Variants in ACSM3 observed in about 807,000 individuals in gnomAD.
ACSM3 encodes the protein acyl-CoA synthetase medium chain family member 3.
In ACSM3, 61 loss-of-function variants were observed where a neutral mutation model predicts 74.1. The ratio of observed to expected loss-of-function variants is 0.82; its 90% CI spans 0.67 to 1.02. The LOEUF (loss-of-function observed/expected upper bound fraction) is 1.02. ACSM3 is among the 50% of genes least tolerant of loss of function. The pLI is 0.00. For missense variants in ACSM3, 660 were observed against 697.0 expected (o/e 0.95, Z 0.60); for synonymous variants, 213 against 241.5 (o/e 0.88, Z 1.09).
chr16:20,702,219 T>C (rs1370240477), intron 1 of ACSM3, among the ~76,000 whole-genome samples: 3 of 152,200 alleles, frequency 2.0e-5, no homozygotes, highest in Admixed American at 6.5e-5. Context: ...TTCCTGACTT[T>C]TCTTTTTTTA....
upstream of ACSM3, among the ~76,000 whole-genome samples, chr16:20,759,241 G>C (rs531227183): frequency 6.6e-6 from 1 of 152,290 alleles, no homozygotes; most frequent in Non-Finnish European, 1.5e-5. Flanking sequence ...AATCAGTCAG[G>C]CCTGTGTAAT....
chr16:20,737,711 C>A, intron 1 of ACSM3: 1 of 1,604,784 alleles, frequency 6.2e-7, no homozygotes, highest in Non-Finnish European at 8.5e-7. Context: ...AACATACCTG[C>A]CAATTCTCTG....
At chr16:20,732,863 GA>G in intron 1 of ACSM3, 1 of 156,318 alleles carries the variant, frequency 6.4e-6, no homozygotes. Flanking sequence ...CTGACAATTG[GA>G]AAAACGGAAT....
intron 3 of ACSM3, among the ~76,000 whole-genome samples, chr16:20,758,015 T>C (rs2080045767): frequency 6.6e-6 from 1 of 152,180 alleles, no homozygotes; most frequent in Non-Finnish European, 1.5e-5. Context: ...AGCTTTTTGA[T>C]GTGCTGCTGG....
chr16:20,739,502 G>A (rs573187467), intron 1 of ACSM3, among the ~76,000 whole-genome samples: 1 of 152,046 alleles, frequency 6.6e-6, no homozygotes, highest in South Asian at 2.1e-4. Flanking sequence ...CTTTTTTTAC[G>A]AAGCTGGGAC....
intron 1 of ACSM3, chr16:20,679,664 C>T (rs1458809161): frequency 6.6e-6 from 1 of 152,106 alleles, no homozygotes; most frequent in Non-Finnish European, 1.5e-5. Flanking sequence ...GTACATACTA[C>T]CTGGGTAAGG....
At chr16:20,775,738 C>A in intron 2 of ACSM3, 101 bp from the exon 3 acceptor site, 1 of 1,174,714 alleles carries the variant, frequency 8.5e-7, no homozygotes, top group Non-Finnish European at 1.3e-6. Context: ...TAACTAATGA[C>A]TTGCGAACTT....
chr16:20,752,750 T>TA (rs2152434825), intron 2 of ACSM3, among the ~76,000 whole-genome samples: 1 of 152,342 alleles, frequency 6.6e-6, no homozygotes, highest in South Asian at 2.1e-4. Context: ...ATAGCTGCAT[T>TA]AGGTGAAAAG....
intron 1 of ACSM3, among the ~76,000 whole-genome samples, chr16:20,714,249 C>T (rs554720699): frequency 5.3e-5 from 8 of 150,292 alleles, no homozygotes; most frequent in East Asian, 3.9e-4. Context: ...GAATAGACTA[C>T]ACACAGTTTG....
intron 2 of ACSM3, among the ~76,000 whole-genome samples, chr16:20,775,351 C>A (rs1417749224): frequency 6.6e-6 from 1 of 152,094 alleles, no homozygotes; most frequent in African/African-American, 2.4e-5. Context: ...TACTATACAG[C>A]GTTTACTAGG....
intron 1 of ACSM3, chr16:20,711,706 C>T (rs1167697508): frequency 2.7e-5 from 13 of 477,494 alleles, no homozygotes; most frequent in African/African-American, 6.0e-5. Context: ...AGCCAATCTA[C>T]GCTGCCAGCA....
At chr16:20,687,774 A>T (rs1567312693) in intron 1 of ACSM3, among the ~76,000 whole-genome samples, 1 of 152,066 alleles carries the variant, frequency 6.6e-6, no homozygotes, top group South Asian at 2.1e-4. Context: ...CAACAAAAAG[A>T]TAGAAACTAT....
At position 20,770,235 on chromosome 16, in the gene ACSM3, A is replaced by G. The variant is rs370247569; in HGVS notation, c.201A>G (p.Gln67=). ...YFNFAKDVLD[Q]WTDKEKAGKK... is the part of the protein sequence containing the mutation. ...ACTTTGCTAAAGATGTCCTGGACCA[A>G]TGGACTGATAAGGAAAAGGTATGGG... The change falls in exon 2 of 14, where the codon CAA becomes CAG. Residue 67 remains glutamine, a synonymous_variant. Transcript: ENST00000289416. 2,306 of 1,614,016 alleles carry G rather than the reference A, an allele frequency of 1.4e-3. 47 individuals carry two copies. The South Asian group carries it at 0.024, about 17-fold the overall frequency.
intron 1 of ACSM3, among the ~76,000 whole-genome samples, chr16:20,746,516 C>T (rs193208375): frequency 3.9e-5 from 6 of 152,306 alleles, no homozygotes; most frequent in East Asian, 3.8e-4. Context: ...ACATAAAATG[C>T]GTAAGACTGG....
intron 2 of ACSM3, among the ~76,000 whole-genome samples, chr16:20,775,423 G>C (rs117745671): frequency 0.021 from 3,191 of 152,228 alleles, 45 homozygotes; most frequent in South Asian, 0.052. Context: ...TCTGTGATGG[G>C]AATGTGTACT....
At chr16:20,757,185 G>T (rs1396336257) in intron 3 of ACSM3, among the ~76,000 whole-genome samples, 1 of 152,298 alleles carries the variant, frequency 6.6e-6, no homozygotes, top group South Asian at 2.1e-4. Flanking sequence ...GTCACTGGTA[G>T]CTTGATGGGG....
chr16:20,780,184 C>A (rs11648370), intron 4 of ACSM3: 33,315 of 178,398 alleles, frequency 0.19, 3,635 homozygotes, highest in African/African-American at 0.31. Flanking sequence ...ACCACAGGTA[C>A]TACCTCAATG....
chr16:20,791,176 A>G (rs1022225234), intron 10 of ACSM3, among the ~76,000 whole-genome samples: 1 of 152,230 alleles, frequency 6.6e-6, no homozygotes, highest in Non-Finnish European at 1.5e-5. Flanking sequence ...TCTATCATAT[A>G]ATAAAAGATC....
intron 1 of ACSM3, chr16:20,682,141 G>A: frequency 1.0e-6 from 1 of 966,828 alleles, no homozygotes; most frequent in Non-Finnish European, 1.5e-6. Flanking sequence ...ATCTGACTGG[G>A]CTGGTGCACC....
Sources: allele counts gnomAD v4.1 joint callset (sites outside exome capture counted in the v4.1 genomes callset), GRCh38; gene constraint gnomAD v4.1.1; transcripts MANE v1.5; gene names NCBI Gene and HGNC (gene_info 2026-07-23, HGNC 2026-07-21).